Variants in WFDC11 observed in about 807,000 individuals in gnomAD.
WFDC11 encodes WAP four-disulfide core domain 11, also known as protein WFDC11.
WFDC11 carries 9 observed loss-of-function variants against 9.9 expected under a neutral mutation model. The observed-to-expected ratio is 0.91, with a 90% CI of 0.55 to 1.58. The LOEUF is 1.58. WFDC11 is among the 40% of genes most tolerant of loss of function. WFDC11 has a pLI of 0.00. For synonymous variants in WFDC11, 32 were observed against 33.3 expected (o/e 0.96, Z 0.13); for missense variants, 106 against 101.7 (o/e 1.04, Z -0.18).
chr20:45,650,446 T>G, intron 3 of WFDC11, 55 bp downstream of exon 3: 2 of 1,449,060 alleles, frequency 1.4e-6, no homozygotes, highest in Non-Finnish European at 1.9e-6. Flanking sequence ...CCCTCCCTTG[T>G]TCAGAAACAA....
chr20:45,666,029 G>C (rs1312006754), intron 2 of WFDC11, among the ~76,000 whole-genome samples: 2 of 152,190 alleles, frequency 1.3e-5, no homozygotes, highest in Non-Finnish European at 2.9e-5. Flanking sequence ...TGCCCACAGT[G>C]GTGGTGACTA....
intron 2 of WFDC11, among the ~76,000 whole-genome samples, chr20:45,651,218 CCTA>C (rs886294591): frequency 2.0e-5 from 3 of 152,136 alleles, no homozygotes; most frequent in African/African-American, 7.2e-5. Context: ...TTATTGAACA[CCTA>C]CTATGTGCCC....
intron 2 of WFDC11, among the ~76,000 whole-genome samples, chr20:45,660,907 C>T (rs367781559): frequency 1.3e-5 from 2 of 152,106 alleles, no homozygotes; most frequent in East Asian, 1.9e-4. Flanking sequence ...AGCAGCATGA[C>T]TTATATTCCT....
chr20:45,669,094 G>A (rs1472846604), intron 1 of WFDC11, among the ~76,000 whole-genome samples: 4 of 152,158 alleles, frequency 2.6e-5, no homozygotes, highest in African/African-American at 9.7e-5. Flanking sequence ...GGTCGGAGGA[G>A]CCAGCAGGCT....
chr20:45,661,579 T>C (rs1408757108), intron 2 of WFDC11, among the ~76,000 whole-genome samples: 2 of 152,246 alleles, frequency 1.3e-5, no homozygotes, highest in Non-Finnish European at 2.9e-5. Flanking sequence ...TAATCCATCT[T>C]GAATTAATTT....
intron 2 of WFDC11, among the ~76,000 whole-genome samples, chr20:45,661,279 G>A (rs1206202463): frequency 6.6e-6 from 1 of 151,966 alleles, no homozygotes; most frequent in Non-Finnish European, 1.5e-5. Context: ...TTTTTTTCTT[G>A]TAAATTTGTT....
chr20:45,664,475 T>C (rs146607703), intron 2 of WFDC11, among the ~76,000 whole-genome samples: 264 of 152,328 alleles, frequency 1.7e-3, no homozygotes, highest in African/African-American at 5.9e-3. Context: ...TGTTAGCTGG[T>C]TATTTTGCCC....
intron 2 of WFDC11, among the ~76,000 whole-genome samples, chr20:45,651,729 C>T (rs148845062): frequency 6.7e-6 from 1 of 149,056 alleles, no homozygotes; most frequent in East Asian, 1.9e-4. Flanking sequence ...AATCGGGTCA[C>T]TCCGACCCTA....
intron 2 of WFDC11, among the ~76,000 whole-genome samples, chr20:45,655,856 C>T (rs1332864027): frequency 6.6e-6 from 1 of 152,094 alleles, no homozygotes; most frequent in Non-Finnish European, 1.5e-5. Flanking sequence ...GAATAAAATA[C>T]CGAGGAATCC....
chr20:45,661,235 A>G (rs951621078), intron 2 of WFDC11, among the ~76,000 whole-genome samples: 1 of 152,040 alleles, frequency 6.6e-6, no homozygotes, highest in African/African-American at 2.4e-5. Flanking sequence ...GTGTCTGTTC[A>G]TGTCCTTCAC....
At chr20:45,669,841 T>A (rs1381057941) in intron 1 of WFDC11, among the ~76,000 whole-genome samples, 1 of 151,822 alleles carries the variant, frequency 6.6e-6, no homozygotes, top group Non-Finnish European at 1.5e-5. Context: ...CTGAACAAAA[T>A]GGAGATAAGG....
intron 3 of WFDC11, among the ~76,000 whole-genome samples, chr20:45,650,223 C>T (rs1982771848): frequency 2.4e-5 from 3 of 125,690 alleles, no homozygotes; most frequent in Admixed American, 8.9e-5. Flanking sequence ...CACACACACA[C>T]ACACACATGT....
At chr20:45,652,179 C>G (rs567879720) in intron 2 of WFDC11, among the ~76,000 whole-genome samples, 12 of 152,310 alleles carry the variant, frequency 7.9e-5, no homozygotes, top group African/African-American at 2.6e-4. Context: ...CTGGGAGGCA[C>G]TCCCCAGTAG....
intron 2 of WFDC11, among the ~76,000 whole-genome samples, chr20:45,665,674 C>T (rs536743413): frequency 6.6e-6 from 1 of 152,306 alleles, no homozygotes; most frequent in Admixed American, 6.5e-5. Context: ...ATAGTCAGGT[C>T]CCTCAGCTGC....
At chr20:45,653,367 C>A (rs188032876) in intron 2 of WFDC11, among the ~76,000 whole-genome samples, 5 of 152,166 alleles carry the variant, frequency 3.3e-5, no homozygotes, top group Admixed American at 2.6e-4. Context: ...ACTTTATAGA[C>A]AAGCAAATGC....
intron 2 of WFDC11, among the ~76,000 whole-genome samples, chr20:45,657,371 G>A (rs938005533): frequency 1.4e-5 from 2 of 146,998 alleles, no homozygotes; most frequent in Admixed American, 1.4e-4. Flanking sequence ...CTCATAGGTG[G>A]GAATTGAACC....
At chr20:45,661,497 C>T (rs562760257) in intron 2 of WFDC11, among the ~76,000 whole-genome samples, 43 of 152,298 alleles carry the variant, frequency 2.8e-4, no homozygotes, top group African/African-American at 1.0e-3. Context: ...TTGCCCACGC[C>T]TATGTCCTGA....
At chr20:45,665,398 C>T (rs1983166376) in intron 2 of WFDC11, among the ~76,000 whole-genome samples, 1 of 152,152 alleles carries the variant, frequency 6.6e-6, no homozygotes, top group Non-Finnish European at 1.5e-5. Flanking sequence ...TATTATAGAC[C>T]TTCTGAAGCC....
intron 2 of WFDC11, among the ~76,000 whole-genome samples, chr20:45,655,015 T>C (rs1982893846): frequency 6.6e-6 from 1 of 152,204 alleles, no homozygotes; most frequent in African/African-American, 2.4e-5. Context: ...AAGGAGAAGC[T>C]GGTACCATTC....
Sources: allele counts gnomAD v4.1 joint callset (sites outside exome capture counted in the v4.1 genomes callset), GRCh38; gene constraint gnomAD v4.1.1; transcripts MANE v1.5; gene names NCBI Gene and HGNC (gene_info 2026-07-23, HGNC 2026-07-21).